RCC1: variants seen among roughly 807,000 people sequenced by gnomAD.
RCC1 encodes regulator of chromosome condensation.
RCC1 carries 11 observed loss-of-function variants against 44.4 expected under a neutral mutation model. The observed-to-expected ratio is 0.25, with a 90% CI of 0.16 to 0.41. RCC1 has a LOEUF of 0.41. Ranked by LOEUF, RCC1 falls within the 10% of genes least tolerant of loss-of-function variation. The pLI is 1.00. For synonymous variants in RCC1, 213 were observed against 216.5 expected (o/e 0.98, Z 0.14); for missense variants, 386 against 547.1 (o/e 0.71, Z 2.94).
In RCC1 at chr1:28,516,705, CTTA is replaced by C. The variant is rs977700867; in HGVS notation, c.-152-10_-152-8del. 20 of 358,826 alleles carry C rather than the reference CTTA, an allele frequency of 5.6e-5. 1 individual carries two copies. In the Middle Eastern group the frequency reaches 4.1e-3, roughly 74 times the overall value. 22.2% of individuals were successfully genotyped at this position (358,826 alleles called of 1,614,324 possible). ...AAATAGGCAATAATAATAATAATCACTTATTATTATTACATGAAGCTACATGAA... is the reference window on the plus strand; with the variant it reads ...AAATAGGCAATAATAATAATAATCACTTATTATTACATGAAGCTACATGAA... On this transcript the variant is annotated splice_polypyrimidine_tract_variant and intron_variant, in intron 3 of 12. Coordinates refer to ENST00000683442, the MANE Select transcript of RCC1 (RefSeq NM_001381865.2).
intron 5 of RCC1, among the ~76,000 whole-genome samples, chr1:28,530,883 C>T (rs531594335): frequency 1.3e-5 from 2 of 152,298 alleles, no homozygotes; most frequent in South Asian, 2.1e-4. Flanking sequence ...TATTCACTGG[C>T]GGACGGCTTG....
chr1:28,527,749 G>A (rs1304733594), intron 4 of RCC1, among the ~76,000 whole-genome samples: 2 of 152,078 alleles, frequency 1.3e-5, no homozygotes, highest in Non-Finnish European at 1.5e-5. Flanking sequence ...GATGGCTCAC[G>A]CCTGTAATCC....
intron 4 of RCC1, chr1:28,526,872 G>T (rs1188312773): frequency 7.4e-6 from 5 of 680,204 alleles, no homozygotes; most frequent in Non-Finnish European, 1.3e-5. Context: ...ACTCCAGCCT[G>T]GGTGACACAG....
At position 28,506,053 on chromosome 1, in the gene RCC1, G is replaced by C. The variant is rs1383661762; in HGVS notation, c.-293G>C. On this transcript the variant is annotated 5_prime_UTR_variant, in exon 1 of 13. Coordinates refer to ENST00000683442, the MANE Select transcript of RCC1 (RefSeq NM_001381865.2). ...TCGCGTTTTCTCTCTCCTTTTTGGAGACAGATTCGCAGTGGTCGCTTCTTC... is the reference window on the plus strand; with the variant it reads ...TCGCGTTTTCTCTCTCCTTTTTGGACACAGATTCGCAGTGGTCGCTTCTTC... 1 of 455,974 alleles carries C rather than the reference G, an allele frequency of 2.2e-6. No individual in the cohort carries two copies. The highest frequency in any genetic ancestry group is 4.4e-6 in the Non-Finnish European group (1 of 226,814). The allele number at this position is 455,974 out of a possible 1,614,324, so 28.2% of individuals were successfully genotyped here. A position where few individuals can be genotyped will look rare whatever the true frequency, so the allele number is the denominator to read the frequency against.
chr1:28,516,501 CAAAAAAA>C (rs558641226), intron 3 of RCC1, among the ~76,000 whole-genome samples: 2 of 119,552 alleles, frequency 1.7e-5, no homozygotes, highest in Middle Eastern at 4.5e-3. Flanking sequence ...GACCCCATCT[CAAAAAAA>C]AAAAAAAAAA....
At chr1:28,535,667 C>T (rs763983394) in intron 9 of RCC1, 11 of 759,860 alleles carry the variant, frequency 1.4e-5, no homozygotes, top group East Asian at 5.3e-5. Flanking sequence ...GTAAGTTCCA[C>T]GTAAATGATA....
chr1:28,511,440 G>A (rs1299595916), intron 3 of RCC1, among the ~76,000 whole-genome samples: 2 of 145,894 alleles, frequency 1.4e-5, no homozygotes, highest in South Asian at 2.2e-4. Flanking sequence ...TCGCTCTGTC[G>A]CCCAGGCTGG....
At chr1:28,526,538 A>G (rs1663674842) in intron 4 of RCC1, 2 of 576,078 alleles carry the variant, frequency 3.5e-6, no homozygotes, top group African/African-American at 1.9e-5. Flanking sequence ...CAAAGTTCAC[A>G]TCGTGAAATT....
intron 4 of RCC1, among the ~76,000 whole-genome samples, chr1:28,517,982 G>A (rs1557870563): frequency 1.3e-5 from 2 of 152,050 alleles, no homozygotes; most frequent in African/African-American, 4.8e-5. Context: ...AGACCCTACC[G>A]CACAAGATTT....
chr1:28,506,241 G>A (rs781643299), intron 1 of RCC1, 157 bp downstream of exon 1: 29 of 443,746 alleles, frequency 6.5e-5, no homozygotes, highest in South Asian at 4.4e-4. Flanking sequence ...TTGTCACTCA[G>A]GCTGGACTGC....
intron 3 of RCC1, among the ~76,000 whole-genome samples, chr1:28,515,953 G>T (rs1042736989): frequency 2.6e-5 from 4 of 151,830 alleles, no homozygotes; most frequent in Non-Finnish European, 4.4e-5. Flanking sequence ...AGGCTGAGGC[G>T]GGTGGATCAC....
intron 3 of RCC1, among the ~76,000 whole-genome samples, chr1:28,513,584 A>G (rs1327490433): frequency 6.7e-6 from 1 of 150,138 alleles, no homozygotes; most frequent in Non-Finnish European, 1.5e-5. Flanking sequence ...TAGGCTATTT[A>G]CTTTTTTTTT....
At chr1:28,521,293 A>T (rs1663251601) in intron 4 of RCC1, among the ~76,000 whole-genome samples, 1 of 151,888 alleles carries the variant, frequency 6.6e-6, no homozygotes, top group South Asian at 2.1e-4. Context: ...TGAGGTCAGG[A>T]GATCGAGACC....
intron 3 of RCC1, chr1:28,509,745 C>G (rs1662357490): frequency 6.6e-6 from 1 of 152,156 alleles, no homozygotes; most frequent in South Asian, 2.1e-4. Context: ...GCCCTGAAAC[C>G]TAGTCTCAGG....
At chr1:28,531,097 C>T (rs1324116492) in intron 5 of RCC1, among the ~76,000 whole-genome samples, 1 of 152,078 alleles carries the variant, frequency 6.6e-6, no homozygotes, top group Non-Finnish European at 1.5e-5. Flanking sequence ...TGCGCGGTGG[C>T]GCGCGCCTGT....
At chr1:28,530,646 T>G (rs1664082142) in intron 5 of RCC1, 1 of 1,556,986 alleles carries the variant, frequency 6.4e-7, no homozygotes. Context: ...CCCTCTGTGC[T>G]GCCAGCGCGG....
intron 1 of RCC1, chr1:28,507,447 T>C (rs534704368): frequency 1.7e-5 from 9 of 519,012 alleles, no homozygotes; most frequent in Non-Finnish European, 3.5e-5. Context: ...TGCCCCATGA[T>C]GTACAAGTCC....
In RCC1 at chr1:28,536,988, CG is replaced by C; in HGVS notation, c.1090+94del. 1 of 1,435,776 alleles carries C rather than the reference CG, an allele frequency of 7.0e-7. No individual in the cohort carries two copies. The highest frequency in any genetic ancestry group is 2.1e-4 in the Middle Eastern group (1 of 4,796). 88.9% of individuals were successfully genotyped at this position (1,435,776 alleles called of 1,614,324 possible). A position where few individuals can be genotyped will look rare whatever the true frequency, so the allele number is the denominator to read the frequency against. ...CCCAATAGGCTGTGATGTCCACTCT[CG>C]GGGGAGCCGAGGTACAGAGAGCAGT... On this transcript the variant is annotated intron_variant, in intron 12 of 12. Transcript: ENST00000683442. The surrounding 1 kb of genome is among the most constrained non-coding windows in gnomAD (Gnocchi z 4.9).
chr1:28,535,805 A>G, intron 9 of RCC1, 66 bp from the exon 10 acceptor site: 1 of 1,545,494 alleles, frequency 6.5e-7, no homozygotes, highest in South Asian at 1.2e-5. Context: ...GGAGAATTAA[A>G]CTCGGGGCAG....
Sources: allele counts gnomAD v4.1 joint callset (sites outside exome capture counted in the v4.1 genomes callset), GRCh38; gene constraint gnomAD v4.1.1; non-coding constraint Gnocchi (gnomAD v3.1); transcripts MANE v1.5; gene names NCBI Gene and HGNC (gene_info 2026-07-23, HGNC 2026-07-21).